The following CD300LG variants were observed in gnomAD, a reference collection of about 807,000 sequenced individuals.
CD300LG encodes CMRF35-like molecule 9.
CD300LG carries 29 observed loss-of-function variants against 31.5 expected under a neutral mutation model. That is an observed-to-expected ratio of 0.92 (90% CI 0.68 to 1.25). CD300LG has a LOEUF of 1.25. CD300LG is among the 50% of genes most tolerant of loss of function. CD300LG has a pLI of 0.00. For missense variants in CD300LG, 396 were observed against 417.6 expected (o/e 0.95, Z 0.45); for synonymous variants, 175 against 177.2 (o/e 0.99, Z 0.10).
intron 2 of CD300LG, chr17:43,849,462 T>C (rs1435478436): frequency 6.4e-6 from 1 of 156,190 alleles, no homozygotes; most frequent in African/African-American, 2.4e-5. Context: ...GAAGGAGGGA[T>C]CGTTAAATGC....
At chr17:43,850,393 A>G (rs1472167694) in intron 2 of CD300LG, among the ~76,000 whole-genome samples, 1 of 152,226 alleles carries the variant, frequency 6.6e-6, no homozygotes, top group Non-Finnish European at 1.5e-5. Flanking sequence ...ATTTCTAAGA[A>G]AGTCAGAAAA....
rs984543710 is a variant in CD300LG at position 43,847,340 on chromosome 17, T to G, written c.43+81T>G. ...GGGAAAGGACCTCTTGACTGACTGA[T>G]AGCCCCACCCCACCTATCCTCAGCC... On this transcript the variant is annotated intron_variant, in intron 1 of 6. Coordinates refer to ENST00000317310, the MANE Select transcript of CD300LG (RefSeq NM_145273.4). The G allele has an allele frequency of 2.1e-6, 3 of 1,463,262 alleles. No individual in the cohort carries two copies. The African/African-American group carries it at 4.2e-5, about 21-fold the overall frequency. 90.6% of individuals were successfully genotyped at this position (1,463,262 alleles called of 1,614,324 possible).
intron 1 of CD300LG, among the ~76,000 whole-genome samples, chr17:43,847,538 T>C (rs1216571690): frequency 1.3e-5 from 2 of 152,180 alleles, no homozygotes; most frequent in Non-Finnish European, 2.9e-5. Context: ...TTAATTTTTC[T>C]ACCCTGTGCC....
chr17:43,857,286 C>T (rs2046551323), intron 6 of CD300LG, 130 bp downstream of exon 6: 12 of 1,434,748 alleles, frequency 8.4e-6, no homozygotes, highest in Admixed American at 4.0e-5. Context: ...GCTTGCTCCC[C>T]ACCTTGGAGG....
In CD300LG at chr17:43,853,019, TG is replaced by T; in HGVS notation, c.481+7del. On this transcript the variant is annotated splice_region_variant and intron_variant, in intron 3 of 6. Transcript: ENST00000317310. ...AACCCAGCCCCCAGGATTGAGTGAG[TG>T]AATGGCAATTCCGCCCCTTCCCTTG... is the stretch of plus-strand genomic sequence containing the variant. 1 of 1,605,444 alleles carries T rather than the reference TG, an allele frequency of 6.2e-7. No homozygotes were observed. Among genetic ancestry groups the T allele is most frequent in the Non-Finnish European group, 8.5e-7 (1 of 1,175,180 alleles).
intron 5 of CD300LG, among the ~76,000 whole-genome samples, chr17:43,856,083 AG>A (rs1282823288): frequency 6.6e-6 from 1 of 152,220 alleles, no homozygotes; most frequent in Non-Finnish European, 1.5e-5. Flanking sequence ...CTAGGACTAC[AG>A]GCATGAGCCA....
At position 43,854,032 on chromosome 17, in the gene CD300LG, G is replaced by A; in HGVS notation, c.707G>A (p.Ser236Asn). 6.2e-7 allele frequency: 1 copy of A among 1,613,524 alleles called. No homozygotes were observed. The highest frequency in any genetic ancestry group is 2.2e-5 in the East Asian group (1 of 44,866). ...EDTSPALSSG[S>N]SKPRVSIPMV... ...ACCAGTCCAGCTCTCAGCAGTGGCAGCTCTAAGCCCAGGTGAGCCCCAGGT... is the reference window on the plus strand; with the variant it reads ...ACCAGTCCAGCTCTCAGCAGTGGCAACTCTAAGCCCAGGTGAGCCCCAGGT... The change falls in exon 4 of 7, where the codon AGC becomes AAC. Residue 236 changes from serine (S) to asparagine (N), a missense_variant. Physicochemically the swap from Ser to Asn is conservative, Grantham distance 46. Transcript: ENST00000317310.
In CD300LG at chr17:43,861,235, G is replaced by T. The variant is rs73988636; in HGVS notation, c.886-563G>T. 1.6e-3 allele frequency: 1,552 copies of T among 985,424 alleles called. 26 individuals are homozygous for T. In the African/African-American group the frequency reaches 0.025, roughly 16 times the overall value. The allele number at this position is 985,424 out of a possible 1,614,324, so 61.0% of individuals were successfully genotyped here. ...AGCCCTCTCCCAGCCTCTACACAGA[G>T]ATCCAGTATCTAAGCCAAGTATGGA... On this transcript the variant is annotated intron_variant, in intron 6 of 6. Transcript: ENST00000317310.
In CD300LG at chr17:43,847,244, T is replaced by A; in HGVS notation, c.28T>A (p.Cys10Ser). MRLLVLLWG[C>S]LLLPGYEALE... is the part of the protein sequence containing the mutation. ...GCGGCTTCTGGTCCTGCTATGGGGT[T>A]GCCTGCTGCTCCCAGGTGAGATGGG... The change falls in exon 1 of 7, where the codon TGC becomes AGC. Residue 10 changes from cysteine (C) to serine (S), a missense_variant. Coordinates refer to ENST00000317310, the MANE Select transcript of CD300LG (RefSeq NM_145273.4). 1 of 1,613,952 alleles carries A rather than the reference T, an allele frequency of 6.2e-7. No homozygotes were observed. Among genetic ancestry groups the A allele is most frequent in the Non-Finnish European group, 8.5e-7 (1 of 1,179,918 alleles).
At chr17:43,849,073 T>C (rs1051997450) in intron 2 of CD300LG, 180 bp downstream of exon 2, 2 of 622,386 alleles carry the variant, frequency 3.2e-6, no homozygotes, top group Non-Finnish European at 5.6e-6. Context: ...TTGGCCATTG[T>C]CTCACTCTTG....
intron 2 of CD300LG, among the ~76,000 whole-genome samples, chr17:43,852,158 G>A (rs1287545598): frequency 7.2e-5 from 11 of 151,972 alleles, no homozygotes; most frequent in Admixed American, 7.2e-4. Flanking sequence ...AGAAAGAGGC[G>A]AAGCTGACAA....
chr17:43,854,071 T>G, intron 4 of CD300LG, 27 bp downstream of exon 4: 1 of 1,547,454 alleles, frequency 6.5e-7, no homozygotes, highest in South Asian at 1.1e-5. Context: ...CAACATCCCC[T>G]TTCAAGCCAT....
chr17:43,858,080 T>C (rs991590692), intron 6 of CD300LG: 2 of 1,408,094 alleles, frequency 1.4e-6, no homozygotes, highest in East Asian at 2.7e-5. Flanking sequence ...CTCCACTCCA[T>C]TCCTTTAAAC....
Position 43,861,793 on chromosome 17 carries a change from T to A in CD300LG, c.886-5T>A. The A allele has an allele frequency of 6.3e-7, 1 of 1,592,020 alleles. No homozygotes were observed. Among genetic ancestry groups the A allele is most frequent in the Non-Finnish European group, 8.5e-7 (1 of 1,169,778 alleles). On this transcript the variant is annotated splice_polypyrimidine_tract_variant and splice_region_variant and intron_variant, in intron 6 of 6. Coordinates refer to ENST00000317310, the MANE Select transcript of CD300LG (RefSeq NM_145273.4). ...GCTCTCCAAACCCCACTGTTGTCTT[T>A]ACAGACTGCGGAGGAAAAGGAAGCC...
chr17:43,854,124 C>T (rs2046443150), intron 4 of CD300LG, 80 bp downstream of exon 4: 3 of 1,038,578 alleles, frequency 2.9e-6, no homozygotes, highest in African/African-American at 1.6e-5. Context: ...GAACTCAACA[C>T]TCTTTCCTCT....
rs2046402365 is a variant in CD300LG, at chr17:43,852,933, C to T, written c.401C>T (p.Pro134Leu). Residue 134 changes from proline (P) to leucine (L), a missense_variant, in exon 3 of 7, where the codon CCT becomes CTT. Coordinates refer to ENST00000317310, the MANE Select transcript of CD300LG (RefSeq NM_145273.4). ...CTAGGACCCTGCTGTCCTCCCTCCC[C>T]TTCTCCCACCTTCCAGCCTCTGGCT... ...VFPGPCCPPS[P>L]SPTFQPLATT... 1 of 1,612,816 alleles carries T rather than the reference C, an allele frequency of 6.2e-7. No homozygotes were observed. Among genetic ancestry groups the T allele is most frequent in the Non-Finnish European group, 8.5e-7 (1 of 1,179,480 alleles).
At position 43,855,355 on chromosome 17, in the gene CD300LG, C is replaced by T. The variant is rs758497822; in HGVS notation, c.832+36C>T. 7.3e-6 allele frequency: 10 copies of T among 1,367,612 alleles called. No homozygotes were observed. The East Asian group carries it at 2.3e-4, about 32-fold the overall frequency. 84.7% of individuals were successfully genotyped at this position (1,367,612 alleles called of 1,614,324 possible). Reference sequence around the variant, plus strand: ...GTGGGCGGCAGGAAGGCGGGAGGCTCACTGGGCCAGGGACCTCACTGAGAC... The same window carrying T: ...GTGGGCGGCAGGAAGGCGGGAGGCTTACTGGGCCAGGGACCTCACTGAGAC... On this transcript the variant is annotated intron_variant, in intron 5 of 6. Transcript: ENST00000317310.
chr17:43,853,655 A>C (rs1225590345), intron 3 of CD300LG, 152 bp from the exon 4 acceptor site: 4 of 633,378 alleles, frequency 6.3e-6, no homozygotes, highest in Non-Finnish European at 8.4e-6. Context: ...CTTCATCTAG[A>C]TCTGTTTGCT....
chr17:43,855,116 G>A (rs1352873456), intron 4 of CD300LG, 91 bp from the exon 5 acceptor site: 1 of 657,340 alleles, frequency 1.5e-6, no homozygotes, highest in Non-Finnish European at 2.3e-6. Flanking sequence ...ACTAGGGATT[G>A]GCTTTCTCAG....
Sources: allele counts gnomAD v4.1 joint callset (sites outside exome capture counted in the v4.1 genomes callset), GRCh38; gene constraint gnomAD v4.1.1; transcripts MANE v1.5; gene names NCBI Gene and HGNC (gene_info 2026-07-23, HGNC 2026-07-21).